ADCY5: variants seen among roughly 807,000 people sequenced by gnomAD.
ADCY5 encodes the protein adenylate cyclase 5, also known as adenylate cyclase type 5.
A neutral mutation model predicts 119.7 loss-of-function variants in ADCY5; 30 were observed. The observed-to-expected ratio is 0.25, with a 90% CI of 0.19 to 0.34. The LOEUF is 0.34. Among genes scored for constraint, ADCY5 ranks in the 10% least tolerant of loss-of-function variants. ADCY5 has a pLI of 1.00. For missense variants in ADCY5, 1,324 were observed against 1,775.2 expected, an observed-to-expected ratio of 0.75 and a Z score of 4.57; for synonymous variants, 753 against 762.2, an observed-to-expected ratio of 0.99 and a Z score of 0.20.
At chr3:123,327,831 C>T (rs1941570159) in intron 6 of ADCY5, 72 bp from the exon 7 acceptor site, 1 of 1,553,440 alleles carries the variant, frequency 6.4e-7, no homozygotes, top group Middle Eastern at 1.7e-4. Context: ...CCGTGAAAAA[C>T]CAAACTGCAA....
intron 1 of ADCY5, among the ~76,000 whole-genome samples, chr3:123,398,789 T>C (rs1387397288): frequency 6.6e-6 from 1 of 152,152 alleles, no homozygotes; most frequent in Non-Finnish European, 1.5e-5. Flanking sequence ...CATATCCACC[T>C]CCTTTAGCGA....
At chr3:123,394,359 T>G (rs1335841212) in intron 1 of ADCY5, among the ~76,000 whole-genome samples, 1 of 152,176 alleles carries the variant, frequency 6.6e-6, no homozygotes, top group Non-Finnish European at 1.5e-5. Context: ...AAAATGCATA[T>G]CTAGGGTAGC....
chr3:123,307,878 G>T (rs1429103631), intron 12 of ADCY5, among the ~76,000 whole-genome samples: 2 of 151,902 alleles, frequency 1.3e-5, no homozygotes, highest in African/African-American at 4.8e-5. Context: ...GCCCCACAAG[G>T]ACCATCCAGA....
At chr3:123,344,085 T>G (rs914929075) in intron 3 of ADCY5, among the ~76,000 whole-genome samples, 1 of 152,174 alleles carries the variant, frequency 6.6e-6, no homozygotes, top group Non-Finnish European at 1.5e-5. Flanking sequence ...AATGAGGCCA[T>G]GGACAGTGGT....
At chr3:123,332,746 C>A (rs886383934) in intron 3 of ADCY5, 71 bp from the exon 4 acceptor site, 1 of 1,030,622 alleles carries the variant, frequency 9.7e-7, no homozygotes, top group Non-Finnish European at 1.5e-6. Flanking sequence ...TCATACATTA[C>A]ATCTTTTTTT....
intron 1 of ADCY5, among the ~76,000 whole-genome samples, chr3:123,355,952 C>T (rs1167326615): frequency 6.6e-6 from 1 of 152,088 alleles, no homozygotes; most frequent in Non-Finnish European, 1.5e-5. Context: ...GTGGTACTAG[C>T]ATAAGGGTAG....
At chr3:123,435,135 A>G (rs1945584142) in intron 1 of ADCY5, among the ~76,000 whole-genome samples, 1 of 151,994 alleles carries the variant, frequency 6.6e-6, no homozygotes, top group South Asian at 2.1e-4. Flanking sequence ...AAACACAAAA[A>G]TTAGCTGGGC....
chr3:123,287,375 C>T lies in ADCY5; in HGVS notation c.3533-566G>A, dbSNP rs377485619. Among the ~76,000 whole-genome samples the T allele has an allele frequency of 7.2e-5, 11 of 152,330 alleles. No individual in the cohort carries two copies. In the East Asian group the frequency reaches 1.5e-3, roughly 21 times the overall value. On this transcript the variant is annotated intron_variant, in intron 19 of 20. Transcript: ENST00000462833. The stretch of plus-strand genomic sequence containing the variant: ...CTGAGCATCACTGCCTCTGAGCCTT[C>T]GCTGAGCTGCTTCTCCCTCCTGAAG...
intron 1 of ADCY5, among the ~76,000 whole-genome samples, chr3:123,445,833 G>A (rs1204115605): frequency 6.6e-6 from 1 of 152,174 alleles, no homozygotes; most frequent in Non-Finnish European, 1.5e-5. Context: ...GAATAGAGGA[G>A]GAAAAACACA....
chr3:123,397,185 C>T (rs1421043525), intron 1 of ADCY5, among the ~76,000 whole-genome samples: 2 of 152,192 alleles, frequency 1.3e-5, no homozygotes, highest in Admixed American at 1.3e-4. Flanking sequence ...CCTCCTCTAG[C>T]TGACTTTTTC....
At chr3:123,290,092 A>G in intron 18 of ADCY5, 138 bp from the exon 19 acceptor site, 1 of 849,284 alleles carries the variant, frequency 1.2e-6, no homozygotes, top group Non-Finnish European at 1.9e-6. Flanking sequence ...GCCTGTCTCC[A>G]TCCTCATCAG....
At chr3:123,287,312 C>T (rs1938844143) in intron 19 of ADCY5, among the ~76,000 whole-genome samples, 1 of 152,200 alleles carries the variant, frequency 6.6e-6, no homozygotes, top group African/African-American at 2.4e-5. Context: ...CACTTCGGCT[C>T]TCCTCTGCCC....
intron 1 of ADCY5, among the ~76,000 whole-genome samples, chr3:123,385,032 C>A (rs1944170496): frequency 6.6e-6 from 1 of 152,162 alleles, no homozygotes; most frequent in Non-Finnish European, 1.5e-5. Flanking sequence ...TGGCAAGTTA[C>A]CGCAAACAGC....
chr3:123,332,506 C>T (rs569663121), intron 4 of ADCY5, 58 bp downstream of exon 4: 6 of 1,315,596 alleles, frequency 4.6e-6, no homozygotes, highest in Non-Finnish European at 6.5e-6. Context: ...TCGACCACAG[C>T]AGCCTCCCTC....
intron 7 of ADCY5, among the ~76,000 whole-genome samples, chr3:123,326,912 G>A (rs1463070253): frequency 3.3e-5 from 5 of 152,152 alleles, no homozygotes; most frequent in East Asian, 1.9e-4. Context: ...TTTGTCTTTC[G>A]TTTCACTTCT....
chr3:123,297,048 C>T (rs1381242814), intron 16 of ADCY5: 1 of 1,535,972 alleles, frequency 6.5e-7, no homozygotes, highest in Non-Finnish European at 8.7e-7. Flanking sequence ...GGTTCTCACA[C>T]AGGCTCCTGG....
intron 1 of ADCY5, among the ~76,000 whole-genome samples, chr3:123,353,979 T>G (rs1942949275): frequency 6.6e-6 from 1 of 152,100 alleles, no homozygotes; most frequent in South Asian, 2.1e-4. Flanking sequence ...GAGCTCCCCA[T>G]GTGTCTCCTG....
intron 5 of ADCY5, among the ~76,000 whole-genome samples, chr3:123,329,702 G>A (rs569981573): frequency 1.3e-5 from 2 of 152,286 alleles, no homozygotes; most frequent in African/African-American, 4.8e-5. Flanking sequence ...ACTTGCCCCA[G>A]TGGGTGGGAC....
intron 1 of ADCY5, among the ~76,000 whole-genome samples, chr3:123,440,114 C>T (rs1250712527): frequency 6.6e-6 from 1 of 152,230 alleles, no homozygotes; most frequent in Non-Finnish European, 1.5e-5. Context: ...ACCCACCCCA[C>T]CACCCATTCA....
Sources: allele counts gnomAD v4.1 joint callset (sites outside exome capture counted in the v4.1 genomes callset), GRCh38; gene constraint gnomAD v4.1.1; transcripts MANE v1.5; gene names NCBI Gene and HGNC (gene_info 2026-07-23, HGNC 2026-07-21).